Variants in WWP2 observed in about 807,000 individuals in gnomAD.
WWP2 encodes the protein NEDD4-like E3 ubiquitin-protein ligase WWP2.
Under a neutral mutation model 121.0 loss-of-function variants are expected in WWP2, and 57 were observed. The ratio of observed to expected loss-of-function variants is 0.47; its 90% CI spans 0.38 to 0.59. The LOEUF is 0.59. Among genes scored for constraint, WWP2 ranks in the 20% least tolerant of loss-of-function variants. WWP2 has a pLI of 0.00. For missense variants in WWP2, 962 were observed against 1,158.9 expected (o/e 0.83, Z 2.47); for synonymous variants, 449 against 441.3 (o/e 1.02, Z -0.22).
At chr16:69,919,706 G>A (rs2058530371) in intron 10 of WWP2, among the ~76,000 whole-genome samples, 1 of 151,994 alleles carries the variant, frequency 6.6e-6, no homozygotes, top group Admixed American at 6.6e-5. Flanking sequence ...CTTTAGATGC[G>A]AAGGTTGGGA....
chr16:69,801,317 T>TAC (rs2056161481), intron 4 of WWP2, among the ~76,000 whole-genome samples: 3 of 151,076 alleles, frequency 2.0e-5, no homozygotes, highest in Admixed American at 2.0e-4. Flanking sequence ...CCGTAGCCTC[T>TAC]GCTCCTGGGC....
intron 7 of WWP2, among the ~76,000 whole-genome samples, chr16:69,886,448 G>A (rs1481578668): frequency 1.3e-5 from 2 of 150,754 alleles, no homozygotes; most frequent in African/African-American, 2.5e-5. Context: ...AGCCTCACAT[G>A]AAGAAAAAAA....
chr16:69,767,548 C>T (rs929117861), intron 1 of WWP2, among the ~76,000 whole-genome samples: 1 of 152,098 alleles, frequency 6.6e-6, no homozygotes, highest in African/African-American at 2.4e-5. Flanking sequence ...GGGAATTTAC[C>T]AGGTAAAGAA....
At chr16:69,879,705 A>G (rs2057791445) in intron 7 of WWP2, among the ~76,000 whole-genome samples, 1 of 152,170 alleles carries the variant, frequency 6.6e-6, no homozygotes, top group African/African-American at 2.4e-5. Context: ...TCTGAGCCCA[A>G]GATTTCAGTT....
At chr16:69,905,601 A>G (rs748736570) in intron 8 of WWP2, among the ~76,000 whole-genome samples, 6 of 152,222 alleles carry the variant, frequency 3.9e-5, no homozygotes, top group Non-Finnish European at 7.3e-5. Flanking sequence ...AAAACAAAAA[A>G]TCCAAAATCT....
At chr16:69,813,736 T>C (rs2056439693) in intron 4 of WWP2, among the ~76,000 whole-genome samples, 1 of 152,146 alleles carries the variant, frequency 6.6e-6, no homozygotes, top group South Asian at 2.1e-4. Flanking sequence ...CCCAAAGTGC[T>C]GTGGGATTAC....
intron 6 of WWP2, among the ~76,000 whole-genome samples, chr16:69,856,007 T>G (rs2057304177): frequency 6.6e-6 from 1 of 152,218 alleles, no homozygotes; most frequent in South Asian, 2.1e-4. Flanking sequence ...CACAGTGGTA[T>G]GTGCCTATAG....
chr16:69,794,029 T>C (rs2151804874), intron 2 of WWP2, among the ~76,000 whole-genome samples: 1 of 150,686 alleles, frequency 6.6e-6, no homozygotes, highest in South Asian at 2.1e-4. Context: ...GCGATTCTCG[T>C]GTCTTAGCCT....
At chr16:69,861,557 G>A (rs1352733994) in intron 6 of WWP2, among the ~76,000 whole-genome samples, 2 of 151,978 alleles carry the variant, frequency 1.3e-5, no homozygotes, top group African/African-American at 2.4e-5. Context: ...GAATGGAGCC[G>A]TAAATTGCGC....
At chr16:69,923,555 GC>G (rs1287173758) in intron 10 of WWP2, among the ~76,000 whole-genome samples, 1 of 152,164 alleles carries the variant, frequency 6.6e-6, no homozygotes, top group African/African-American at 2.4e-5. Flanking sequence ...AGATGACCAT[GC>G]CCCTGTGGAA....
At position 69,888,232 on chromosome 16, in the gene WWP2, C is replaced by G. The variant is rs200856848; in HGVS notation, c.897C>G (p.Pro299=). 2.5e-6 allele frequency: 4 copies of G among 1,614,106 alleles called. No individual in the cohort carries two copies. Among genetic ancestry groups the G allele is most frequent in the Non-Finnish European group, 3.4e-6 (4 of 1,180,012 alleles). ...TQQLPAAAQA[P]DALPAGWEQR... ...AGCTCCCAGCGGCTGCCCAGGCCCC[C>G]GACGCTCTGCCTGCTGGGTGAGTAG... Residue 299 remains proline, a synonymous_variant, in exon 8 of 24, where the codon CCC becomes CCG. Transcript: ENST00000359154.
chr16:69,803,495 T>A (rs2056214634), intron 4 of WWP2, among the ~76,000 whole-genome samples: 1 of 152,224 alleles, frequency 6.6e-6, no homozygotes. Context: ...GTTTTGCAGT[T>A]TTACATTTGG....
chr16:69,811,918 A>G (rs533132324), intron 4 of WWP2, among the ~76,000 whole-genome samples: 1 of 152,272 alleles, frequency 6.6e-6, no homozygotes, highest in African/African-American at 2.4e-5. Context: ...TTTCATCCCT[A>G]AATACTGATG....
At position 69,936,468 on chromosome 16, in the gene WWP2, C is replaced by T. The variant is rs904802; in HGVS notation, c.2117+16C>T. 0.018 allele frequency: 28,806 copies of T among 1,613,320 alleles called. 3,920 individuals are homozygous for T. The African/African-American group carries it at 0.31, about 18-fold the overall frequency. ...AGTACATCATGTGAGTCTCAGGCGC[C>T]GGGGGCTCCGCTCCAGGGGTGGCGT... On this transcript the variant is annotated intron_variant, in intron 19 of 23. Transcript: ENST00000359154.
chr16:69,843,295 T>C (rs1422678478), intron 6 of WWP2, among the ~76,000 whole-genome samples: 1 of 152,052 alleles, frequency 6.6e-6, no homozygotes, highest in African/African-American at 2.4e-5. Flanking sequence ...GTATTACAAA[T>C]GACGTAATGT....
At chr16:69,764,193 G>T (rs2038678387) in intron 1 of WWP2, among the ~76,000 whole-genome samples, 1 of 152,090 alleles carries the variant, frequency 6.6e-6, no homozygotes. Flanking sequence ...TGACACAATA[G>T]AAAATTTTAT....
At position 69,934,018 on chromosome 16, in the gene WWP2, T is replaced by C. The variant is rs1332431215; in HGVS notation, c.1731T>C (p.Cys577=). 6.2e-7 allele frequency: 1 copy of C among 1,614,164 alleles called. No individual in the cohort carries two copies. Among genetic ancestry groups the C allele is most frequent in the Non-Finnish European group, 8.5e-7 (1 of 1,180,008 alleles). ...ATGAGGTGCTCAACCCTATGTATTG[T>C]TTATTTGAATATGCCGGAAAGAACA... ...LSHEVLNPMY[C]LFEYAGKNNY... Residue 577 remains cysteine (C), a synonymous_variant, in exon 17 of 24, where the codon TGT becomes TGC. Coordinates refer to ENST00000359154, the MANE Select transcript of WWP2 (RefSeq NM_001270454.2).
intron 6 of WWP2, among the ~76,000 whole-genome samples, chr16:69,861,197 T>C (rs1186108829): frequency 6.6e-6 from 1 of 152,214 alleles, no homozygotes; most frequent in Non-Finnish European, 1.5e-5. Context: ...CTGTTCAGGG[T>C]ACCTCAAGCC....
intron 4 of WWP2, among the ~76,000 whole-genome samples, chr16:69,835,904 G>C (rs2056868794): frequency 6.6e-6 from 1 of 151,560 alleles, no homozygotes; most frequent in African/African-American, 2.4e-5. Context: ...CCGTGTTTAA[G>C]TGATTCTCCT....
Sources: allele counts gnomAD v4.1 joint callset (sites outside exome capture counted in the v4.1 genomes callset), GRCh38; gene constraint gnomAD v4.1.1; transcripts MANE v1.5; gene names NCBI Gene and HGNC (gene_info 2026-07-23, HGNC 2026-07-21).